Variants in IGSF21 observed in about 807,000 individuals in gnomAD.
IGSF21 encodes immunoglobin superfamily member 21, also known as immunoglobulin superfamily member 21.
Under a neutral mutation model 46.8 loss-of-function variants are expected in IGSF21, and 28 were observed. The ratio of observed to expected loss-of-function variants is 0.60; its 90% CI spans 0.44 to 0.82. IGSF21 has a LOEUF of 0.82. Among genes scored for constraint, IGSF21 ranks in the 40% least tolerant of loss-of-function variants. The probability of loss-of-function intolerance (pLI) is 0.00; values close to 1 mark genes in which losing one functional copy is unlikely to be tolerated. For synonymous variants in IGSF21, 284 were observed against 273.6 expected, an observed-to-expected ratio of 1.04 and a Z score of -0.38; for missense variants, 624 against 665.5, an observed-to-expected ratio of 0.94 and a Z score of 0.69.
intron 1 of IGSF21, among the ~76,000 whole-genome samples, chr1:18,191,849 C>T (rs183807681): frequency 3.9e-4 from 59 of 152,240 alleles, no homozygotes; most frequent in Middle Eastern, 3.4e-3. Flanking sequence ...TAGGTGGTTC[C>T]GGCTGCCTCA....
intron 1 of IGSF21, among the ~76,000 whole-genome samples, chr1:18,208,048 G>A (rs2084349765): frequency 6.6e-6 from 1 of 152,046 alleles, no homozygotes. Context: ...AGAGAGATAG[G>A]AATTAACAAC....
intron 2 of IGSF21, among the ~76,000 whole-genome samples, chr1:18,228,990 A>G (rs896059953): frequency 6.6e-6 from 1 of 152,216 alleles, no homozygotes; most frequent in Admixed American, 6.5e-5. Context: ...TTCATGTGTC[A>G]TAATTTCTTC....
intron 2 of IGSF21, among the ~76,000 whole-genome samples, chr1:18,280,856 C>T (rs1005785056): frequency 1.3e-5 from 2 of 152,174 alleles, no homozygotes; most frequent in African/African-American, 2.4e-5. Flanking sequence ...CTGTCTGCCC[C>T]GAAGGCTCTG....
intron 3 of IGSF21, among the ~76,000 whole-genome samples, chr1:18,333,517 A>G (rs1256836170): frequency 6.6e-6 from 1 of 152,208 alleles, no homozygotes; most frequent in African/African-American, 2.4e-5. Flanking sequence ...CATTGCATTT[A>G]ATCTTCACTG....
chr1:18,264,229 C>G (rs1189798057), intron 2 of IGSF21, among the ~76,000 whole-genome samples: 4 of 152,108 alleles, frequency 2.6e-5, no homozygotes, highest in Non-Finnish European at 5.9e-5. Flanking sequence ...TTTCTTATTT[C>G]ACAAGAATCC....
intron 2 of IGSF21, among the ~76,000 whole-genome samples, chr1:18,240,146 G>A (rs923536688): frequency 3.6e-4 from 54 of 152,106 alleles, no homozygotes; most frequent in African/African-American, 1.3e-3. Context: ...AGGCATGGTG[G>A]TGCTTACACC....
At chr1:18,350,074 GGGT>G (rs1444274077) in intron 4 of IGSF21, among the ~76,000 whole-genome samples, 1 of 152,144 alleles carries the variant, frequency 6.6e-6, no homozygotes, top group Non-Finnish European at 1.5e-5. Flanking sequence ...AGGAAGCAGT[GGGT>G]GGTGAGGAAA....
At chr1:18,312,050 T>A (rs2085493882) in intron 3 of IGSF21, among the ~76,000 whole-genome samples, 1 of 152,182 alleles carries the variant, frequency 6.6e-6, no homozygotes, top group South Asian at 2.1e-4. Flanking sequence ...CAGGTTCACC[T>A]TCCTTCTGCT....
chr1:18,137,174 C>T (rs1029546820), intron 1 of IGSF21, among the ~76,000 whole-genome samples: 3 of 152,062 alleles, frequency 2.0e-5, no homozygotes, highest in South Asian at 4.2e-4. Flanking sequence ...ATTGCATGGC[C>T]AGAGCAGGAG....
chr1:18,158,592 G>T (rs1448767426), intron 1 of IGSF21, among the ~76,000 whole-genome samples: 1 of 152,080 alleles, frequency 6.6e-6, no homozygotes, highest in Non-Finnish European at 1.5e-5. Context: ...TTGCCCAGGG[G>T]TCATTCCTGG....
chr1:18,167,924 C>A (rs1428244136), intron 1 of IGSF21, among the ~76,000 whole-genome samples: 2 of 152,100 alleles, frequency 1.3e-5, no homozygotes, highest in African/African-American at 4.8e-5. Context: ...CCTGCACGTT[C>A]CTCATTCTTC....
At chr1:18,289,940 C>T (rs2085250362) in intron 2 of IGSF21, among the ~76,000 whole-genome samples, 1 of 152,162 alleles carries the variant, frequency 6.6e-6, no homozygotes, top group African/African-American at 2.4e-5. Flanking sequence ...TGGGGAGCCC[C>T]TGGAGGGTCT....
intron 1 of IGSF21, among the ~76,000 whole-genome samples, chr1:18,184,164 G>C (rs957187244): frequency 2.6e-5 from 4 of 152,160 alleles, no homozygotes; most frequent in African/African-American, 7.2e-5. Flanking sequence ...ATCAAACATA[G>C]CCCATTCAAT....
intron 4 of IGSF21, among the ~76,000 whole-genome samples, chr1:18,348,895 A>C (rs111278784): frequency 2.3e-4 from 35 of 152,288 alleles, no homozygotes; most frequent in African/African-American, 8.2e-4. Context: ...GCATATGAGA[A>C]GCTCATGTGC....
At chr1:18,323,417 C>G (rs924237528) in intron 3 of IGSF21, among the ~76,000 whole-genome samples, 3 of 152,148 alleles carry the variant, frequency 2.0e-5, no homozygotes, top group African/African-American at 7.2e-5. Context: ...CGTCCAGCAC[C>G]AAAAGTCCCC....
intron 1 of IGSF21, among the ~76,000 whole-genome samples, chr1:18,154,665 G>T (rs537989710): frequency 7.9e-5 from 12 of 151,834 alleles, no homozygotes; most frequent in Non-Finnish European, 1.8e-4. Context: ...TGAAGGATGT[G>T]GGGAGGGGTG....
At chr1:18,150,285 C>T (rs957495097) in intron 1 of IGSF21, among the ~76,000 whole-genome samples, 1 of 152,154 alleles carries the variant, frequency 6.6e-6, no homozygotes, top group Non-Finnish European at 1.5e-5. Context: ...GGGGTGGAAT[C>T]CTCTGCTGCC....
chr1:18,232,772 T>G (rs2084640543), intron 2 of IGSF21, among the ~76,000 whole-genome samples: 1 of 152,242 alleles, frequency 6.6e-6, no homozygotes, highest in Non-Finnish European at 1.5e-5. Flanking sequence ...AGTGAACATT[T>G]GCTAAATTAA....
chr1:18,271,941 G>T (rs572824240), intron 2 of IGSF21, among the ~76,000 whole-genome samples: 7 of 152,284 alleles, frequency 4.6e-5, no homozygotes, highest in Admixed American at 4.6e-4. Flanking sequence ...GCATGGCAAT[G>T]GTCATAGCCT....
Sources: gnomAD v4.1 joint callset for allele counts (sites outside exome capture counted in the v4.1 genomes callset) on GRCh38, gnomAD v4.1.1 for gene constraint, MANE v1.5 for transcripts, NCBI Gene and HGNC (gene_info 2026-07-23, HGNC 2026-07-21) for gene names.